Variants in ANGPT1 observed in about 807,000 individuals in gnomAD.
The protein encoded by ANGPT1 is angiopoietin 1.
In ANGPT1, 17 loss-of-function variants were observed where a neutral mutation model predicts 62.2. That is an observed-to-expected ratio of 0.27 (90% confidence interval 0.19 to 0.41). ANGPT1 has a LOEUF of 0.41. ANGPT1 is among the 10% of genes least tolerant of loss of function. The probability of loss-of-function intolerance (pLI) is 1.00; values close to 1 mark genes in which losing one functional copy is unlikely to be tolerated. For synonymous variants in ANGPT1, 199 were observed against 198.9 expected (o/e 1.00, Z 0.00); for missense variants, 478 against 594.9 (o/e 0.80, Z 2.04).
At chr8:107,443,638 G>A (rs1292215858) in intron 1 of ANGPT1, among the ~76,000 whole-genome samples, 7 of 143,366 alleles carry the variant, frequency 4.9e-5, no homozygotes, top group South Asian at 2.2e-4. Context: ...GAGAAATCCC[G>A]TCTCTACTAA....
intron 3 of ANGPT1, among the ~76,000 whole-genome samples, chr8:107,335,584 TA>T (rs1295663125): frequency 6.6e-6 from 1 of 152,202 alleles, no homozygotes; most frequent in Admixed American, 6.5e-5. Flanking sequence ...TCTATAAAGC[TA>T]ACCAAAGAAA....
At chr8:107,375,465 T>C (rs972180707) in intron 1 of ANGPT1, among the ~76,000 whole-genome samples, 15 of 152,178 alleles carry the variant, frequency 9.9e-5, no homozygotes, top group African/African-American at 3.1e-4. Context: ...AATACAGAGC[T>C]CTCAAATTTT....
intron 2 of ANGPT1, among the ~76,000 whole-genome samples, chr8:107,341,177 G>T (rs1020077133): frequency 3.9e-5 from 6 of 152,162 alleles, no homozygotes; most frequent in Non-Finnish European, 7.3e-5. Flanking sequence ...CTCCTGAAGA[G>T]ATCCAATAGG....
chr8:107,347,281 T>A (rs1195449691), intron 1 of ANGPT1, among the ~76,000 whole-genome samples, 184 bp from the exon 2 acceptor site: 1 of 152,196 alleles, frequency 6.6e-6, no homozygotes, highest in Non-Finnish European at 1.5e-5. Context: ...GTCAACAAAT[T>A]CCTAATATAC....
At chr8:107,488,513 C>T (rs1169992714) in intron 1 of ANGPT1, among the ~76,000 whole-genome samples, 3 of 151,988 alleles carry the variant, frequency 2.0e-5, no homozygotes, top group East Asian at 1.9e-4. Context: ...AAATCAGGTT[C>T]GATTGCCAAG....
At position 107,317,122 on chromosome 8, in the gene ANGPT1, C is replaced by T. The variant is rs77360600; in HGVS notation, c.808+4774G>A. On this transcript the variant is annotated intron_variant, in intron 4 of 8. Transcript: ENST00000517746. ...TTAATATTTCTCTGTGAGCTTTGCT[C>T]GGGTCCAGGCACCCTAGGCTCACTT... 6.4e-3 allele frequency among the ~76,000 whole-genome samples: 981 copies of T among 152,276 alleles called. 3 individuals are homozygous for T. The highest frequency in any genetic ancestry group is 9.0e-3 in the African/African-American group (374 of 41,542).
chr8:107,314,026 T>C (rs760638419), intron 4 of ANGPT1, among the ~76,000 whole-genome samples: 1 of 152,194 alleles, frequency 6.6e-6, no homozygotes, highest in Non-Finnish European at 1.5e-5. Flanking sequence ...GTGCCATATC[T>C]TATCCGTGAC....
intron 6 of ANGPT1, among the ~76,000 whole-genome samples, chr8:107,290,608 T>G (rs1172980926): frequency 6.6e-6 from 1 of 152,218 alleles, no homozygotes; most frequent in Non-Finnish European, 1.5e-5. Flanking sequence ...TTAACCATCT[T>G]GTAACATATG....
chr8:107,340,383 C>CT (rs1456185838), intron 2 of ANGPT1, among the ~76,000 whole-genome samples: 4 of 151,850 alleles, frequency 2.6e-5, no homozygotes, highest in Admixed American at 6.6e-5. Flanking sequence ...AATTTTAGTT[C>CT]TTTTTTTTAA....
chr8:107,335,401 A>G (rs1586234526), intron 3 of ANGPT1, among the ~76,000 whole-genome samples: 1 of 152,212 alleles, frequency 6.6e-6, no homozygotes, highest in Non-Finnish European at 1.5e-5. Context: ...AGAAAAATCA[A>G]TGTAATGCAA....
At chr8:107,393,066 T>A (rs1034029462) in intron 1 of ANGPT1, among the ~76,000 whole-genome samples, 2 of 152,316 alleles carry the variant, frequency 1.3e-5, no homozygotes, top group Admixed American at 1.3e-4. Flanking sequence ...ATGCATTCTG[T>A]AGAGTAAAAA....
At chr8:107,264,468 C>A in intron 7 of ANGPT1, 117 bp from the exon 8 acceptor site, 1 of 1,289,136 alleles carries the variant, frequency 7.8e-7, no homozygotes. Context: ...TTGAACTCAG[C>A]CCTTCCAACA....
At chr8:107,411,330 T>C (rs1817263064) in intron 1 of ANGPT1, among the ~76,000 whole-genome samples, 1 of 152,170 alleles carries the variant, frequency 6.6e-6, no homozygotes, top group Admixed American at 6.6e-5. Flanking sequence ...GTATTAATAT[T>C]TAAATAAACA....
intron 1 of ANGPT1, among the ~76,000 whole-genome samples, chr8:107,404,915 T>C (rs1339746633): frequency 1.3e-5 from 2 of 152,112 alleles, no homozygotes; most frequent in African/African-American, 2.4e-5. Flanking sequence ...TTTCTGTGAA[T>C]AGTAGTGACA....
chr8:107,353,597 C>T (rs896431040), intron 1 of ANGPT1, among the ~76,000 whole-genome samples: 27 of 152,246 alleles, frequency 1.8e-4, no homozygotes, highest in African/African-American at 6.3e-4. Flanking sequence ...CATTGAGCCT[C>T]AGCAACCCCT....
chr8:107,382,508 C>T (rs1816658817), intron 1 of ANGPT1, among the ~76,000 whole-genome samples: 2 of 150,528 alleles, frequency 1.3e-5, no homozygotes, highest in Non-Finnish European at 3.0e-5. Context: ...TCCAACAGTG[C>T]TGTGCTGATA....
At position 107,251,084 on chromosome 8, in the gene ANGPT1, C is replaced by T. The variant is rs988928902; in HGVS notation, c.*771G>A. The T allele has an allele frequency of 7.9e-5, 12 of 151,978 alleles. No homozygotes were observed. In the East Asian group the frequency reaches 2.3e-3, roughly 29 times the overall value. The allele number at this position is 151,978 out of a possible 1,614,324, so 9.4% of individuals were successfully genotyped here. On this transcript the variant is annotated 3_prime_UTR_variant, in exon 9 of 9. Coordinates refer to ENST00000517746, the MANE Select transcript of ANGPT1 (RefSeq NM_001146.5). ...ATCAGTTTTTAGAGTAAATGAAAAC[C>T]ATAGTATGGGGGTGGTAAGTTTTCA...
intron 1 of ANGPT1, among the ~76,000 whole-genome samples, chr8:107,470,233 A>C (rs1010957477): frequency 6.6e-6 from 1 of 152,074 alleles, no homozygotes; most frequent in Non-Finnish European, 1.5e-5. Context: ...TGATTGACAA[A>C]GGAAATTAAT....
At chr8:107,389,522 C>G (rs916264957) in intron 1 of ANGPT1, among the ~76,000 whole-genome samples, 8 of 152,062 alleles carry the variant, frequency 5.3e-5, no homozygotes, top group African/African-American at 1.9e-4. Context: ...AAAGAAGATT[C>G]TTAGTCTCTG....
Sources: allele counts gnomAD v4.1 joint callset (sites outside exome capture counted in the v4.1 genomes callset), GRCh38; gene constraint gnomAD v4.1.1; transcripts MANE v1.5; gene names NCBI Gene and HGNC (gene_info 2026-07-23, HGNC 2026-07-21).